Variants in TJP1 observed in about 807,000 individuals in gnomAD.
TJP1 encodes the protein tight junction protein 1, also known as tight junction protein ZO-1.
Under a neutral mutation model 194.2 loss-of-function variants are expected in TJP1, and 43 were observed. That is an observed-to-expected ratio of 0.22 (90% CI 0.17 to 0.29). TJP1 has a LOEUF of 0.29. TJP1 is among the 10% of genes least tolerant of loss of function. The pLI is 1.00. For synonymous variants in TJP1, 801 were observed against 779.0 expected (o/e 1.03, Z -0.47); for missense variants, 1,971 against 2,185.7 (o/e 0.90, Z 1.96).
chr15:29,718,066 G>A lies in TJP1; in HGVS notation c.3929C>T (p.Pro1310Leu), dbSNP rs372973125. The change falls in exon 22 of 28, where the codon CCC (proline) becomes CTC (leucine). Residue 1310 changes from proline to leucine, a missense_variant. Pro to Leu is a moderately conservative substitution (Grantham distance 98, BLOSUM62 -3). Transcript: ENST00000614355. ...PSGAPIIGPK[P>L]TSQNQFSEHD... is the part of the protein sequence containing the mutation. ...TTCACTGAATTGATTCTGAGAAGTGGGTTTGGGACCAATGATGGGAGCACC... is the reference window on the plus strand; with the variant it reads ...TTCACTGAATTGATTCTGAGAAGTGAGTTTGGGACCAATGATGGGAGCACC... The A allele has an allele frequency of 7.0e-5, 113 of 1,613,212 alleles. No homozygotes were observed. The highest frequency in any genetic ancestry group is 9.6e-5 in the Non-Finnish European group (113 of 1,179,910).
intron 15 of TJP1, among the ~76,000 whole-genome samples, chr15:29,731,206 TC>T (rs2043636199): frequency 6.6e-6 from 1 of 152,154 alleles, no homozygotes; most frequent in East Asian, 1.9e-4. Context: ...AAAACACCTT[TC>T]CCTTCCAGTT....
rs57179846 is a variant in TJP1 at position 29,770,212 on chromosome 15, G to A, written c.312+1852C>T. On this transcript the variant is annotated intron_variant, in intron 4 of 27. Transcript: ENST00000614355. ...CTGTAATCCCAGAACTTTGGGAGGCGGAGGCAGGCAGATCACTTGAGGCCC... is the reference window on the plus strand; with the variant it reads ...CTGTAATCCCAGAACTTTGGGAGGCAGAGGCAGGCAGATCACTTGAGGCCC... Among the ~76,000 whole-genome samples, 34 of 152,142 alleles carry A rather than the reference G, an allele frequency of 2.2e-4. No homozygotes were observed. The East Asian group carries it at 5.4e-3, about 24-fold the overall frequency.
chr15:29,915,942 A>T (rs919065131), intron 2 of TJP1, among the ~76,000 whole-genome samples: 2 of 152,156 alleles, frequency 1.3e-5, no homozygotes, highest in African/African-American at 4.8e-5. Context: ...AAATGTATTC[A>T]GTTGGAGGAG....
chr15:29,912,694 T>TAAA (rs2054054962), intron 2 of TJP1, among the ~76,000 whole-genome samples: 2 of 24,006 alleles, frequency 8.3e-5, no homozygotes, highest in Non-Finnish European at 1.2e-4. Flanking sequence ...AGACTCTGTC[T>TAAA]CAAAAAAAAA....
chr15:29,929,803 A>C (rs1421936995), intron 2 of TJP1, among the ~76,000 whole-genome samples: 1 of 150,898 alleles, frequency 6.6e-6, no homozygotes, highest in East Asian at 1.9e-4. Flanking sequence ...ACTTGAAACA[A>C]AAAAAAAATC....
intron 4 of TJP1, among the ~76,000 whole-genome samples, chr15:29,767,841 A>G (rs1033349750): frequency 6.6e-6 from 1 of 152,062 alleles, no homozygotes. Flanking sequence ...AGACCAAGGC[A>G]ATCTTCTCCC....
chr15:29,846,665 T>C (rs1048533720), intron 2 of TJP1, among the ~76,000 whole-genome samples: 1 of 151,976 alleles, frequency 6.6e-6, no homozygotes, highest in Admixed American at 6.6e-5. Flanking sequence ...GTGGCTCACG[T>C]CTGTAATCCC....
At chr15:29,910,198 G>A (rs2053969787) in intron 2 of TJP1, among the ~76,000 whole-genome samples, 1 of 152,152 alleles carries the variant, frequency 6.6e-6, no homozygotes, top group Non-Finnish European at 1.5e-5. Context: ...AGTAGAAACA[G>A]AACGTTTATA....
At chr15:29,734,738 G>A (rs1025977792) in intron 11 of TJP1, among the ~76,000 whole-genome samples, 8 of 151,900 alleles carry the variant, frequency 5.3e-5, no homozygotes, top group African/African-American at 1.7e-4. Flanking sequence ...CGCCCGCTTT[G>A]GTCTCCTAAA....
At position 29,701,573 on chromosome 15, in the gene TJP1, T is replaced by A. The variant is rs1324553948; in HGVS notation, c.*22A>T. 1 of 1,576,608 alleles carries A rather than the reference T, an allele frequency of 6.3e-7. No homozygotes were observed. The highest frequency in any genetic ancestry group is 8.7e-7 in the Non-Finnish European group (1 of 1,146,466). On this transcript the variant is annotated 3_prime_UTR_variant, in exon 28 of 28. Coordinates refer to ENST00000614355, the MANE Select transcript of TJP1 (RefSeq NM_001330239.4). ...TAAGTTTAATCCAGTTTCACATTAT[T>A]TAAGTTCCTATATTTCAAGAGTTAA...
At chr15:29,793,212 T>TC (rs1437963936) in intron 2 of TJP1, among the ~76,000 whole-genome samples, 1 of 152,178 alleles carries the variant, frequency 6.6e-6, no homozygotes, top group East Asian at 1.9e-4. Flanking sequence ...GCTTTTAGAT[T>TC]CCCCCCTCAT....
At chr15:29,890,130 G>A (rs1596192751) in intron 2 of TJP1, among the ~76,000 whole-genome samples, 1 of 152,184 alleles carries the variant, frequency 6.6e-6, no homozygotes, top group Non-Finnish European at 1.5e-5. Flanking sequence ...GGGCCAGAGA[G>A]TGGCCATCCA....
At chr15:29,927,939 G>T (rs545555835) in intron 2 of TJP1, among the ~76,000 whole-genome samples, 1 of 152,006 alleles carries the variant, frequency 6.6e-6, no homozygotes, top group Non-Finnish European at 1.5e-5. Flanking sequence ...CCTTGAAATC[G>T]GACTGATGTT....
Position 29,746,387 on chromosome 15 carries a change from AAAAG to A in TJP1, c.1011-3610_1011-3607del, listed in dbSNP as rs1157546479. On this transcript the variant is annotated intron_variant, in intron 8 of 27. Transcript: ENST00000614355. The stretch of plus-strand genomic sequence containing the variant: ...AGTGAGACTCCGTCTCAAAAAAAAA[AAAAG>A]AAAGAAAATAACTTCAAAACAAAAT... 2.0e-5 allele frequency among the ~76,000 whole-genome samples: 3 copies of A among 152,196 alleles called. No homozygotes were observed. The East Asian group carries it at 5.8e-4, about 29-fold the overall frequency.
At chr15:29,791,678 C>A (rs1377828253) in intron 2 of TJP1, among the ~76,000 whole-genome samples, 1 of 152,070 alleles carries the variant, frequency 6.6e-6, no homozygotes, top group African/African-American at 2.4e-5. Flanking sequence ...CAGGCGTGAG[C>A]CACCATGCCC....
intron 2 of TJP1, among the ~76,000 whole-genome samples, chr15:29,794,360 C>T (rs2048278113): frequency 6.6e-6 from 1 of 152,130 alleles, no homozygotes; most frequent in Non-Finnish European, 1.5e-5. Context: ...AATGTATCTT[C>T]TGATGACATT....
intron 2 of TJP1, among the ~76,000 whole-genome samples, chr15:29,908,571 G>A (rs974267479): frequency 7.2e-5 from 11 of 152,142 alleles, no homozygotes; most frequent in African/African-American, 1.4e-4. Flanking sequence ...ATTTTATTCT[G>A]ATATTAAGTG....
At chr15:29,867,095 G>A (rs1157842845) in intron 2 of TJP1, among the ~76,000 whole-genome samples, 1 of 152,186 alleles carries the variant, frequency 6.6e-6, no homozygotes, top group African/African-American at 2.4e-5. Context: ...ATTTATTTCA[G>A]ACAAATAAGA....
chr15:29,699,551 T>C (rs1050468075), downstream of TJP1: 2 of 152,244 alleles, frequency 1.3e-5, no homozygotes, highest in Non-Finnish European at 2.9e-5. Context: ...AAATTTGAAC[T>C]ATACATTTTA....
Sources: gnomAD v4.1 joint callset for allele counts (sites outside exome capture counted in the v4.1 genomes callset) on GRCh38, gnomAD v4.1.1 for gene constraint, MANE v1.5 for transcripts, NCBI Gene and HGNC (gene_info 2026-07-23, HGNC 2026-07-21) for gene names.